The following EXOC6B variants were observed in gnomAD, a reference collection of about 807,000 sequenced individuals.
The protein encoded by EXOC6B is exocyst complex component 6B, also known as SEC15 homolog B.
A neutral mutation model predicts 113.5 loss-of-function variants in EXOC6B; 54 were observed. The observed-to-expected ratio is 0.48, with a 90% CI of 0.38 to 0.60. EXOC6B has a LOEUF of 0.60. Ranked by LOEUF, EXOC6B falls within the 20% of genes least tolerant of loss-of-function variation. The pLI is 0.00. For synonymous variants in EXOC6B, 357 were observed against 339.0 expected (o/e 1.05, Z -0.58); for missense variants, 797 against 977.5 (o/e 0.82, Z 2.46).
chr2:72,489,756 G>A (rs566247790), intron 16 of EXOC6B, among the ~76,000 whole-genome samples: 28 of 152,052 alleles, frequency 1.8e-4, no homozygotes, highest in African/African-American at 6.3e-4. Flanking sequence ...AGCCATTCTC[G>A]CTAAAAAAAT....
At chr2:72,566,135 G>A (rs1194087488) in intron 7 of EXOC6B, among the ~76,000 whole-genome samples, 3 of 151,972 alleles carry the variant, frequency 2.0e-5, no homozygotes, top group African/African-American at 4.8e-5. Flanking sequence ...AAGATAAGAA[G>A]AAACAGTTCC....
intron 20 of EXOC6B, among the ~76,000 whole-genome samples, chr2:72,199,769 C>T (rs1414757474): frequency 6.6e-6 from 1 of 152,208 alleles, no homozygotes; most frequent in African/African-American, 2.4e-5. Flanking sequence ...ATTTTCAAAA[C>T]ATCCTGAAAC....
chr2:72,564,105 T>C (rs937168119), intron 7 of EXOC6B, among the ~76,000 whole-genome samples: 15 of 152,114 alleles, frequency 9.9e-5, no homozygotes, highest in Non-Finnish European at 2.1e-4. Flanking sequence ...GAATACACTA[T>C]AAGAAAAGAT....
chr2:72,505,593 A>G (rs1279615544), intron 11 of EXOC6B, among the ~76,000 whole-genome samples: 1 of 152,158 alleles, frequency 6.6e-6, no homozygotes, highest in African/African-American at 2.4e-5. Flanking sequence ...AACTATTGAA[A>G]TTTTGATTGA....
Position 72,705,935 on chromosome 2 carries a change from C to T in EXOC6B, c.669+12168G>A, listed in dbSNP as rs545537236. ...TTAAACTTTATGGCAGTCCTCATTA[C>T]CTGTTGAATGTGCTTCCCAGCCTAT... On this transcript the variant is annotated intron_variant, in intron 6 of 21. Transcript: ENST00000272427. 1.1e-4 allele frequency among the ~76,000 whole-genome samples: 16 copies of T among 152,274 alleles called. No homozygotes were observed. In the South Asian group the frequency reaches 2.7e-3, roughly 26 times the overall value.
At chr2:72,395,220 C>T (rs1326375077) in intron 18 of EXOC6B, among the ~76,000 whole-genome samples, 1 of 152,060 alleles carries the variant, frequency 6.6e-6, no homozygotes, top group African/African-American at 2.4e-5. Flanking sequence ...TTACAAACCT[C>T]ATAAAAAATT....
chr2:72,805,243 T>C (rs1685518401), intron 1 of EXOC6B, among the ~76,000 whole-genome samples: 1 of 152,216 alleles, frequency 6.6e-6, no homozygotes, highest in South Asian at 2.1e-4. Context: ...ACCTGTGATT[T>C]CTTTTTCTTT....
intron 20 of EXOC6B, among the ~76,000 whole-genome samples, chr2:72,213,239 G>T (rs57688709): frequency 6.6e-6 from 1 of 152,202 alleles, no homozygotes; most frequent in African/African-American, 2.4e-5. Context: ...GCAACCATCC[G>T]ATTGCAACCT....
intron 1 of EXOC6B, among the ~76,000 whole-genome samples, chr2:72,818,469 A>G (rs954039042): frequency 6.6e-6 from 1 of 151,524 alleles, no homozygotes; most frequent in African/African-American, 2.4e-5. Context: ...CCATTTTTGT[A>G]TTTTTAGTAG....
intron 19 of EXOC6B, among the ~76,000 whole-genome samples, chr2:72,353,394 T>A (rs1009291297): frequency 2.9e-5 from 3 of 105,022 alleles, no homozygotes; most frequent in Non-Finnish European, 5.3e-5. Flanking sequence ...ATTTTTGAGA[T>A]GGAGCCTCGC....
intron 18 of EXOC6B, among the ~76,000 whole-genome samples, chr2:72,406,938 C>T (rs1693815189): frequency 6.6e-6 from 1 of 151,842 alleles, no homozygotes; most frequent in Non-Finnish European, 1.5e-5. Flanking sequence ...AAAAGATCAA[C>T]AAAATTGATA....
intron 6 of EXOC6B, among the ~76,000 whole-genome samples, chr2:72,712,951 A>ATTTT (rs1383904938): frequency 6.6e-6 from 1 of 152,222 alleles, no homozygotes; most frequent in Non-Finnish European, 1.5e-5. Context: ...TGCATACAAA[A>ATTTT]GAATGCATAA....
intron 1 of EXOC6B, among the ~76,000 whole-genome samples, chr2:72,759,732 G>A (rs552077762): frequency 1.2e-4 from 18 of 152,250 alleles, no homozygotes; most frequent in East Asian, 1.9e-4. Context: ...CAATTTTAAC[G>A]GGGAAGACTG....
chr2:72,280,953 A>C (rs941561299), intron 20 of EXOC6B, among the ~76,000 whole-genome samples: 1 of 152,224 alleles, frequency 6.6e-6, no homozygotes, highest in East Asian at 1.9e-4. Context: ...GCTAAGCTAT[A>C]GAGGGCAAAG....
intron 18 of EXOC6B, 25 bp from the exon 19 acceptor site, chr2:72,379,895 A>G (rs1691585158): frequency 6.4e-7 from 1 of 1,571,446 alleles, no homozygotes; most frequent in African/African-American, 1.4e-5. Context: ...TGTAAATCAT[A>G]AAGTTAATGC....
In EXOC6B at chr2:72,186,885, G is replaced by A. The variant is rs193178107; in HGVS notation, c.2197-2698C>T. 2.6e-3 allele frequency among the ~76,000 whole-genome samples: 393 copies of A among 152,246 alleles called. 1 individual carries two copies. The highest frequency in any genetic ancestry group is 8.7e-3 in the African/African-American group (363 of 41,546). On this transcript the variant is annotated intron_variant, in intron 20 of 21. Transcript: ENST00000272427. ...TCTTTGGGGTGTCGCTTTTCTGGCC[G>A]GAAACCTGTGGCCAGTGGCACCTTT...
intron 7 of EXOC6B, among the ~76,000 whole-genome samples, chr2:72,560,091 AC>A (rs1354379563): frequency 6.6e-6 from 1 of 152,224 alleles, no homozygotes; most frequent in African/African-American, 2.4e-5. Context: ...GAAAAGTCAA[AC>A]CAAGAAGTAA....
rs546036006 is a variant in EXOC6B, at chr2:72,484,460, G to A, written c.1666-3710C>T. 2.4e-4 allele frequency among the ~76,000 whole-genome samples: 36 copies of A among 151,344 alleles called. No homozygotes were observed. The South Asian group carries it at 6.1e-3, about 25-fold the overall frequency. Reference sequence around the variant, plus strand: ...AGGGCGCCTGTAGTCCCAGCTACTCGGGAGGCTGAGGCAGGAGAATGTCGT... The same window carrying A: ...AGGGCGCCTGTAGTCCCAGCTACTCAGGAGGCTGAGGCAGGAGAATGTCGT... On this transcript the variant is annotated intron_variant, in intron 16 of 21. Coordinates refer to ENST00000272427, the MANE Select transcript of EXOC6B (RefSeq NM_015189.3).
chr2:72,296,979 T>C (rs1473520395), intron 20 of EXOC6B, among the ~76,000 whole-genome samples: 1 of 152,230 alleles, frequency 6.6e-6, no homozygotes, highest in African/African-American at 2.4e-5. Context: ...TAATTTGCTA[T>C]ATTTTGAAAA....
Sources: allele counts gnomAD v4.1 joint callset (sites outside exome capture counted in the v4.1 genomes callset), GRCh38; gene constraint gnomAD v4.1.1; transcripts MANE v1.5; gene names NCBI Gene and HGNC (gene_info 2026-07-23, HGNC 2026-07-21).